Variants in CNTNAP4 observed in about 807,000 individuals in gnomAD.
The protein encoded by CNTNAP4 is contactin associated protein family member 4, also known as contactin-associated protein-like 4.
Under a neutral mutation model 148.4 loss-of-function variants are expected in CNTNAP4, and 98 were observed. The observed-to-expected ratio is 0.66, with a 90% CI of 0.56 to 0.78. The LOEUF is 0.78. Ranked by LOEUF, CNTNAP4 falls within the 30% of genes least tolerant of loss-of-function variation. The pLI, the probability that CNTNAP4 is intolerant of heterozygous loss-of-function variation, is 0.00. For missense variants in CNTNAP4, 1,935 were observed against 1,565.6 expected, an observed-to-expected ratio of 1.24 and a Z score of -3.98; for synonymous variants, 730 against 565.1, an observed-to-expected ratio of 1.29 and a Z score of -4.14.
chr16:76,308,965 C>T (rs1960793551), intron 1 of CNTNAP4, among the ~76,000 whole-genome samples: 1 of 151,478 alleles, frequency 6.6e-6, no homozygotes, highest in African/African-American at 2.4e-5. Flanking sequence ...GCTAGGATTC[C>T]AGGCTAATTT....
intron 1 of CNTNAP4, among the ~76,000 whole-genome samples, chr16:76,280,136 T>G (rs2143726845): frequency 6.6e-6 from 1 of 152,240 alleles, no homozygotes; most frequent in East Asian, 1.9e-4. Flanking sequence ...TAAATAAAAT[T>G]AAAGGACTAG....
rs577955730 is a variant in CNTNAP4 at position 76,342,364 on chromosome 16, C to T, written c.197-12954C>T. ...ATGCATCTGTTGAAGGAAAAACTGG[C>T]ATCATTAAATGAAAACAAAGTTTTT... is the stretch of plus-strand genomic sequence containing the variant. On this transcript the variant is annotated intron_variant, in intron 2 of 23. Coordinates refer to ENST00000611870, the MANE Select transcript of CNTNAP4 (RefSeq NM_033401.5). 8.6e-5 allele frequency among the ~76,000 whole-genome samples: 13 copies of T among 151,858 alleles called. No individual in the cohort carries two copies. In the South Asian group the frequency reaches 2.5e-3, roughly 29 times the overall value.
intron 2 of CNTNAP4, among the ~76,000 whole-genome samples, chr16:76,343,042 A>G (rs1244474650): frequency 6.6e-6 from 1 of 151,980 alleles, no homozygotes; most frequent in Non-Finnish European, 1.5e-5. Context: ...AAGGGTGTGG[A>G]TAAGATTCAT....
intron 15 of CNTNAP4, among the ~76,000 whole-genome samples, chr16:76,513,535 T>A (rs892858391): frequency 6.6e-6 from 1 of 152,212 alleles, no homozygotes; most frequent in African/African-American, 2.4e-5. Context: ...AAGTATATTA[T>A]GAATAATTTA....
chr16:76,297,514 G>T (rs1380793155), intron 1 of CNTNAP4, among the ~76,000 whole-genome samples: 1 of 152,082 alleles, frequency 6.6e-6, no homozygotes, highest in Non-Finnish European at 1.5e-5. Context: ...TAAATTCTTA[G>T]TACTGAGGAA....
At chr16:76,320,155 A>T (rs1156999286) in intron 2 of CNTNAP4, among the ~76,000 whole-genome samples, 1 of 152,212 alleles carries the variant, frequency 6.6e-6, no homozygotes, top group Non-Finnish European at 1.5e-5. Flanking sequence ...GGGTCATGTT[A>T]TTGGACATAG....
chr16:76,371,212 A>C (rs958708929), intron 3 of CNTNAP4, among the ~76,000 whole-genome samples: 2 of 152,198 alleles, frequency 1.3e-5, no homozygotes, highest in Non-Finnish European at 2.9e-5. Flanking sequence ...AACATCTTAC[A>C]CATGAGCTCC....
intron 15 of CNTNAP4, among the ~76,000 whole-genome samples, chr16:76,515,277 A>C (rs1253206037): frequency 6.6e-6 from 1 of 152,208 alleles, no homozygotes; most frequent in African/African-American, 2.4e-5. Flanking sequence ...GTTACGTACT[A>C]AATTGTTTTC....
chr16:76,380,793 C>G (rs905332003), intron 3 of CNTNAP4, among the ~76,000 whole-genome samples: 2 of 152,090 alleles, frequency 1.3e-5, no homozygotes, highest in African/African-American at 4.8e-5. Flanking sequence ...TCAGCAGTTA[C>G]CGAGGGTGGA....
At position 76,549,742 on chromosome 16, in the gene CNTNAP4, C is replaced by G. The variant is rs189717143; in HGVS notation, c.3443-3541C>G. Among the ~76,000 whole-genome samples, 714 of 151,710 alleles carry G rather than the reference C, an allele frequency of 4.7e-3. 6 individuals are homozygous for G. Among genetic ancestry groups the G allele is most frequent in the African/African-American group, 0.017 (693 of 41,324 alleles). The stretch of plus-strand genomic sequence containing the variant: ...CTACTTGAATTTGCATCTGGAAGAT[C>G]AAGTGAATGAAGTATTTGACCCACA... On this transcript the variant is annotated intron_variant, in intron 21 of 23. Transcript: ENST00000611870.
intron 2 of CNTNAP4, among the ~76,000 whole-genome samples, chr16:76,326,213 C>T (rs767355693): frequency 1.3e-5 from 2 of 152,184 alleles, no homozygotes; most frequent in African/African-American, 2.4e-5. Flanking sequence ...AATATAAATG[C>T]AGAATGCTCT....
intron 15 of CNTNAP4, among the ~76,000 whole-genome samples, chr16:76,517,142 C>A (rs2083283013): frequency 6.6e-6 from 1 of 152,040 alleles, no homozygotes; most frequent in African/African-American, 2.4e-5. Flanking sequence ...TATTTGAGAG[C>A]ATTCTTGAAA....
intron 14 of CNTNAP4, among the ~76,000 whole-genome samples, chr16:76,497,510 C>G (rs1409773390): frequency 1.3e-5 from 2 of 151,640 alleles, no homozygotes; most frequent in Non-Finnish European, 2.9e-5. Context: ...ATATGGGGGG[C>G]AGCCATAAAA....
chr16:76,361,563 A>G (rs895652295), intron 3 of CNTNAP4, among the ~76,000 whole-genome samples: 9 of 152,110 alleles, frequency 5.9e-5, no homozygotes, highest in Non-Finnish European at 1.2e-4. Flanking sequence ...TCATTTGCCT[A>G]TGGACATTTA....
At chr16:76,365,676 T>C (rs1026334477) in intron 3 of CNTNAP4, among the ~76,000 whole-genome samples, 2 of 143,806 alleles carry the variant, frequency 1.4e-5, no homozygotes, top group South Asian at 4.3e-4. Context: ...TGCTTGAACC[T>C]GGGAGACTGA....
chr16:76,511,544 A>G (rs972036091), intron 15 of CNTNAP4, among the ~76,000 whole-genome samples: 2 of 152,186 alleles, frequency 1.3e-5, no homozygotes, highest in Non-Finnish European at 2.9e-5. Flanking sequence ...AGTGAGGATC[A>G]ATTCCATTTC....
At chr16:76,452,862 T>A in intron 8 of CNTNAP4, 93 bp downstream of exon 8, 1 of 1,158,112 alleles carries the variant, frequency 8.6e-7, no homozygotes, top group Admixed American at 3.2e-5. Context: ...AAATGTAATA[T>A]TTGCTTAATA....
chr16:76,296,607 T>C (rs995848447), intron 1 of CNTNAP4, among the ~76,000 whole-genome samples: 6 of 151,990 alleles, frequency 3.9e-5, no homozygotes, highest in Admixed American at 2.0e-4. Context: ...TATAAAGATA[T>C]AGAGATGCTG....
intron 1 of CNTNAP4, among the ~76,000 whole-genome samples, chr16:76,314,116 A>G (rs1961443337): frequency 6.6e-6 from 1 of 152,206 alleles, no homozygotes; most frequent in Admixed American, 6.5e-5. Flanking sequence ...GGGTAGATAG[A>G]CGATAAATAT....
Sources: allele counts gnomAD v4.1 joint callset (sites outside exome capture counted in the v4.1 genomes callset), GRCh38; gene constraint gnomAD v4.1.1; transcripts MANE v1.5; gene names NCBI Gene and HGNC (gene_info 2026-07-23, HGNC 2026-07-21).